IL1RAPL2: variants seen among roughly 807,000 people sequenced by gnomAD.
IL1RAPL2 encodes the protein interleukin 1 receptor accessory protein like 2.
IL1RAPL2 carries 3 observed loss-of-function variants against 44.1 expected under a neutral mutation model. That is an observed-to-expected ratio of 0.07 (90% CI 0.03 to 0.18). IL1RAPL2 has a LOEUF of 0.18. Among genes scored for constraint, IL1RAPL2 ranks in the 10% least tolerant of loss-of-function variants. IL1RAPL2 has a pLI of 1.00. For missense variants in IL1RAPL2, 391 were observed against 496.4 expected (o/e 0.79, Z 2.02); for synonymous variants, 181 against 178.8 (o/e 1.01, Z -0.10).
intron 5 of IL1RAPL2, among the ~76,000 whole-genome samples, chrX:105,480,577 C>T (rs2036227435): frequency 8.9e-6 from 1 of 112,068 alleles, no homozygotes; most frequent in South Asian, 3.7e-4. Flanking sequence ...GCTTAAGCAG[C>T]AAATTCAAAG....
chrX:105,006,943 T>C (rs1223557820), intron 2 of IL1RAPL2, among the ~76,000 whole-genome samples: 2 of 111,464 alleles, frequency 1.8e-5, no homozygotes, highest in Non-Finnish European at 3.8e-5. Context: ...CCTTGGTCAA[T>C]TGTGAGAACA....
At chrX:105,086,228 T>C (rs891425896) in intron 2 of IL1RAPL2, among the ~76,000 whole-genome samples, 1 of 111,013 alleles carries the variant, frequency 9.0e-6, no homozygotes, top group African/African-American at 3.3e-5. Context: ...CCTAAGTATT[T>C]ACCTGTGGAA....
intron 2 of IL1RAPL2, among the ~76,000 whole-genome samples, chrX:104,943,535 T>G (rs1167094849): frequency 8.9e-6 from 1 of 111,964 alleles, no homozygotes; most frequent in African/African-American, 3.2e-5. Context: ...TCTTTCATAT[T>G]TCAGGCATGC....
Position 105,484,338 on chromosome X carries a change from G to A in IL1RAPL2, c.723G>A (p.Lys241=). 1 of 1,207,016 alleles carries A rather than the reference G, an allele frequency of 8.3e-7. No homozygotes were observed. The highest frequency in any genetic ancestry group is 1.1e-6 in the Non-Finnish European group (1 of 891,400). ...VTALLTDKPP[K]PLFPMENQPS... The stretch of plus-strand genomic sequence containing the variant: ...CTTTACTCACAGACAAGCCTCCCAA[G>A]CCATTGTTCCCCATGGAGAATCAGC... The change falls in exon 6 of 11, where the codon AAG becomes AAA. Residue 241 remains lysine, a synonymous_variant. Coordinates refer to ENST00000372582, the MANE Select transcript of IL1RAPL2 (RefSeq NM_017416.2).
chrX:104,883,942 GT>G (rs1297537726), intron 2 of IL1RAPL2, among the ~76,000 whole-genome samples: 7 of 111,950 alleles, frequency 6.3e-5, no homozygotes, highest in Non-Finnish European at 1.1e-4. Flanking sequence ...CTCCCTCAGG[GT>G]ATGGCCCTCC....
chrX:104,585,280 T>TA (rs1928502078), intron 1 of IL1RAPL2, among the ~76,000 whole-genome samples: 2 of 18,249 alleles, frequency 1.1e-4, no homozygotes, highest in Non-Finnish European at 1.5e-4. Flanking sequence ...ATTATATATA[T>TA]TATATAATAT....
Position 104,585,240 on chromosome X carries a change from A to AT in IL1RAPL2, c.-20+18189_-20+18190insT, listed in dbSNP as rs1928489585. 2.0e-4 allele frequency among the ~76,000 whole-genome samples: 9 copies of AT among 43,996 alleles called. 1 individual carries two copies. The highest frequency in any genetic ancestry group is 1.0e-3 in the African/African-American group (9 of 8,742). 38.2% of individuals were successfully genotyped at this position (43,996 alleles called of 115,157 possible). On this transcript the variant is annotated intron_variant, in intron 1 of 10. Coordinates refer to ENST00000372582, the MANE Select transcript of IL1RAPL2 (RefSeq NM_017416.2). ...TATATGTATATATGTGTATATATAT[A>AT]ATATATGATATATAATATATATATA...
In IL1RAPL2 at chrX:105,296,218, C is replaced by T. The variant is rs6621958; in HGVS notation, c.697+28677C>T. ...CCCATAGATCAGCTTAATTGTACTA[C>T]TTACTCTTCCTAGAATATATGCATT... On this transcript the variant is annotated intron_variant, in intron 5 of 10. Transcript: ENST00000372582. 5.8e-4 allele frequency among the ~76,000 whole-genome samples: 64 copies of T among 110,902 alleles called. No homozygotes were observed. In the East Asian group the frequency reaches 0.012, roughly 21 times the overall value.
At chrX:105,633,045 T>G (rs1420459803) in intron 6 of IL1RAPL2, among the ~76,000 whole-genome samples, 1 of 111,725 alleles carries the variant, frequency 9.0e-6, no homozygotes, top group Admixed American at 9.5e-5. Context: ...GGAAACTTCC[T>G]CTCCCGCCTC....
chrX:105,337,662 CG>C (rs2035038629), intron 5 of IL1RAPL2, among the ~76,000 whole-genome samples: 1 of 111,463 alleles, frequency 9.0e-6, no homozygotes, highest in African/African-American at 3.3e-5. Flanking sequence ...GAGGCTGAGG[CG>C]GGCGGATCAC....
chrX:105,348,615 T>C (rs2035128969), intron 5 of IL1RAPL2, among the ~76,000 whole-genome samples: 1 of 111,585 alleles, frequency 9.0e-6, no homozygotes, highest in Non-Finnish European at 1.9e-5. Flanking sequence ...GGGTTCAGTG[T>C]AGCTCCCATT....
intron 2 of IL1RAPL2, among the ~76,000 whole-genome samples, chrX:104,829,953 AAGGAATCTGCCTATAGTCAT>A (rs1395284544): frequency 2.4e-4 from 27 of 112,117 alleles, no homozygotes; most frequent in Non-Finnish European, 4.3e-4. Flanking sequence ...CACACAGGTT[AAGGAATCTGCCTATAGTCAT>A]GCAGCTGGTT....
At chrX:105,681,689 C>T (rs931879927) in intron 6 of IL1RAPL2, among the ~76,000 whole-genome samples, 1 of 111,212 alleles carries the variant, frequency 9.0e-6, no homozygotes, top group Non-Finnish European at 1.9e-5. Context: ...ACCCAGGGGG[C>T]AGAGGTTGCA....
intron 2 of IL1RAPL2, among the ~76,000 whole-genome samples, chrX:104,847,868 T>C (rs200616829): frequency 1.8e-5 from 2 of 111,504 alleles, no homozygotes; most frequent in South Asian, 3.8e-4. Flanking sequence ...TTTTATTTCA[T>C]TGAGCATTGG....
chrX:105,059,240 G>C (rs181543147), intron 2 of IL1RAPL2, among the ~76,000 whole-genome samples: 35 of 111,457 alleles, frequency 3.1e-4, no homozygotes, highest in African/African-American at 1.1e-3. Flanking sequence ...AACTGATTTT[G>C]TACTCATTAA....
chrX:105,747,476 CTCTCTG>C (rs1413663869), intron 8 of IL1RAPL2, among the ~76,000 whole-genome samples: 1 of 73,160 alleles, frequency 1.4e-5, no homozygotes, highest in African/African-American at 6.7e-5. Flanking sequence ...CTCTCTCTCT[CTCTCTG>C]TGTGTGTGTA....
chrX:105,009,673 A>G (rs2031013510), intron 2 of IL1RAPL2, among the ~76,000 whole-genome samples: 1 of 109,011 alleles, frequency 9.2e-6, no homozygotes. Context: ...TGGGTGCAGC[A>G]CACCAACATG....
chrX:105,489,787 T>TTCTTTCTCTCTC (rs2036300018), intron 6 of IL1RAPL2, among the ~76,000 whole-genome samples: 1 of 73,373 alleles, frequency 1.4e-5, no homozygotes, highest in African/African-American at 5.4e-5. Context: ...CTTTCTCTCT[T>TTCTTTCTCTCTC]TCTCTCTCTC....
intron 2 of IL1RAPL2, among the ~76,000 whole-genome samples, chrX:105,181,141 T>G (rs1449278783): frequency 2.7e-5 from 3 of 112,097 alleles, no homozygotes; most frequent in Admixed American, 1.9e-4. Flanking sequence ...TAATAGTCTC[T>G]GATGATCTTT....
Sources: gnomAD v4.1 joint callset for allele counts (sites outside exome capture counted in the v4.1 genomes callset) on GRCh38, gnomAD v4.1.1 for gene constraint, MANE v1.5 for transcripts, NCBI Gene and HGNC (gene_info 2026-07-23, HGNC 2026-07-21) for gene names.